The following NCK1 variants were observed in gnomAD, a reference collection of about 807,000 sequenced individuals.
NCK1 encodes the protein NCK adaptor protein 1, also known as SH2/SH3 adapter protein NCK1.
NCK1 carries 19 observed loss-of-function variants against 36.6 expected under a neutral mutation model. The ratio of observed to expected loss-of-function variants is 0.52; its 90% CI spans 0.36 to 0.76. The LOEUF (loss-of-function observed/expected upper bound fraction) is 0.76. Among genes scored for constraint, NCK1 ranks in the 30% least tolerant of loss-of-function variants. The pLI, the probability that NCK1 is intolerant of heterozygous loss-of-function variation, is 0.00. For missense variants in NCK1, 358 were observed against 445.6 expected (o/e 0.80, Z 1.77); for synonymous variants, 165 against 156.0 (o/e 1.06, Z -0.43).
chr3:136,937,525 T>TA (rs1940561167), intron 2 of NCK1, among the ~76,000 whole-genome samples: 1 of 152,222 alleles, frequency 6.6e-6, no homozygotes. Context: ...TGAACTTTAG[T>TA]AAGAATTGCA....
intron 1 of NCK1, among the ~76,000 whole-genome samples, chr3:136,885,123 G>A (rs551156258): frequency 2.0e-5 from 3 of 152,226 alleles, no homozygotes; most frequent in South Asian, 2.1e-4. Context: ...GGTATACACC[G>A]AAATATTTAC....
intron 1 of NCK1, among the ~76,000 whole-genome samples, chr3:136,876,187 C>T (rs1938766638): frequency 6.6e-6 from 1 of 151,770 alleles, no homozygotes; most frequent in Non-Finnish European, 1.5e-5. Context: ...ACTAAATGCC[C>T]AAAAGAGAAA....
chr3:136,922,061 G>A (rs1940124185), intron 1 of NCK1, among the ~76,000 whole-genome samples: 1 of 152,218 alleles, frequency 6.6e-6, no homozygotes, highest in Non-Finnish European at 1.5e-5. Flanking sequence ...GGGATTACAG[G>A]CGTGAGCCAC....
chr3:136,899,762 AT>A lies in NCK1; in HGVS notation c.-18-28221del, dbSNP rs1426854372. 7 of 1,254,608 alleles carry A rather than the reference AT, an allele frequency of 5.6e-6. No homozygotes were observed. The African/African-American group carries it at 1.0e-4, about 19-fold the overall frequency. The allele number at this position is 1,254,608 out of a possible 1,614,324, so 77.7% of individuals were successfully genotyped here. A position where few individuals can be genotyped will look rare whatever the true frequency, so the allele number is the denominator to read the frequency against. The stretch of plus-strand genomic sequence containing the variant: ...TATTGCCATGTTTTTCAACTCTTTT[AT>A]CTTGAGACTTCTGCACATTAGTGGT... On this transcript the variant is annotated intron_variant, in intron 1 of 3. Transcript: ENST00000481752.
intron 1 of NCK1, among the ~76,000 whole-genome samples, chr3:136,916,920 A>G (rs1939980588): frequency 6.6e-6 from 1 of 152,164 alleles, no homozygotes; most frequent in Admixed American, 6.5e-5. Flanking sequence ...CTACAACCCA[A>G]GTGTGTGGCT....
chr3:136,868,475 C>T (rs1255991071), intron 1 of NCK1, among the ~76,000 whole-genome samples: 1 of 151,660 alleles, frequency 6.6e-6, no homozygotes, highest in African/African-American at 2.4e-5. Flanking sequence ...TTACAGGTGC[C>T]TGCCACCATG....
Position 136,945,704 on chromosome 3 carries a change from C to G in NCK1, c.348C>G (p.Asn116Lys). The G allele has an allele frequency of 6.2e-7, 1 of 1,614,114 alleles. No individual in the cohort carries two copies. The highest frequency in any genetic ancestry group is 8.5e-7 in the Non-Finnish European group (1 of 1,180,002). Residue 116 changes from asparagine (N) to lysine (K), a missense_variant, in exon 3 of 4, where the codon AAC becomes AAG. This residue lies in a region of NCK1 where 143 missense variants were observed against 162.4 expected (regional missense o/e 0.88). Transcript: ENST00000481752. ...ACATGCCCGCTTATGTGAAATTTAA[C>G]TACATGGCTGAGAGAGAGGATGAAT... ...DLNMPAYVKFNYMAEREDELS... is the reference protein window; with the variant it reads ...DLNMPAYVKFKYMAEREDELS...
chr3:136,915,210 A>AGG (rs1939927993), intron 1 of NCK1, among the ~76,000 whole-genome samples: 1 of 152,194 alleles, frequency 6.6e-6, no homozygotes, highest in Non-Finnish European at 1.5e-5. Context: ...ATTACTACTA[A>AGG]GGGGTAGTAG....
chr3:136,876,667 C>G (rs1163077882), intron 1 of NCK1, among the ~76,000 whole-genome samples: 6 of 151,794 alleles, frequency 4.0e-5, no homozygotes, highest in African/African-American at 1.5e-4. Context: ...TTTATTCCTA[C>G]AAAGAATATA....
intron 1 of NCK1, among the ~76,000 whole-genome samples, chr3:136,924,940 G>A (rs191510289): frequency 6.6e-6 from 1 of 152,246 alleles, no homozygotes; most frequent in Non-Finnish European, 1.5e-5. Context: ...AGGGGTATGG[G>A]TTTTTAATCT....
In NCK1 at chr3:136,862,309, G is replaced by T. The variant is rs1447462324; in HGVS notation, c.-63G>T. On this transcript the variant is annotated 5_prime_UTR_variant, in exon 1 of 4. Coordinates refer to ENST00000481752, the MANE Select transcript of NCK1 (RefSeq NM_001291999.2). ...ACGGCGGCCGCAGTGGCGTCCTGGA[G>T]CCCTCCTCAGGTGAGCTGGAGCTGC... 1 of 152,810 alleles carries T rather than the reference G, an allele frequency of 6.5e-6. No individual in the cohort carries two copies. Among genetic ancestry groups the T allele is most frequent in the Non-Finnish European group, 1.5e-5 (1 of 68,312 alleles). 9.5% of individuals were successfully genotyped at this position (152,810 alleles called of 1,614,324 possible).
intron 2 of NCK1, among the ~76,000 whole-genome samples, chr3:136,939,913 T>C (rs1403933827): frequency 6.9e-6 from 1 of 145,066 alleles, no homozygotes; most frequent in East Asian, 2.1e-4. Context: ...TGCAGTAGCA[T>C]GATCATGGCT....
At chr3:136,903,369 T>C (rs1356272051) in intron 1 of NCK1, among the ~76,000 whole-genome samples, 1 of 152,168 alleles carries the variant, frequency 6.6e-6, no homozygotes, top group South Asian at 2.1e-4. Flanking sequence ...TTGTAGGTAG[T>C]ATATAGGTGG....
intron 1 of NCK1, among the ~76,000 whole-genome samples, chr3:136,922,181 G>A (rs749103421): frequency 6.6e-6 from 1 of 152,216 alleles, no homozygotes. Context: ...TATTATTTAT[G>A]ACAGGAGGTG....
At chr3:136,896,125 AT>A (rs1939385091) in intron 1 of NCK1, among the ~76,000 whole-genome samples, 5 of 152,312 alleles carry the variant, frequency 3.3e-5, no homozygotes, top group African/African-American at 9.6e-5. Context: ...AGTATTTATC[AT>A]TTCTATGTGT....
intron 2 of NCK1, among the ~76,000 whole-genome samples, chr3:136,933,547 A>G (rs923885556): frequency 6.6e-6 from 1 of 152,158 alleles, no homozygotes; most frequent in Non-Finnish European, 1.5e-5. Flanking sequence ...AGTGAGGGAA[A>G]GATCAGAAAT....
intron 1 of NCK1, among the ~76,000 whole-genome samples, chr3:136,874,229 G>C (rs552044716): frequency 1.3e-5 from 2 of 152,174 alleles, no homozygotes; most frequent in African/African-American, 4.8e-5. Flanking sequence ...AGGCTGGAGT[G>C]CAGTGGTGCG....
At chr3:136,862,815 C>T (rs912004971) in intron 1 of NCK1, among the ~76,000 whole-genome samples, 1 of 152,226 alleles carries the variant, frequency 6.6e-6, no homozygotes, top group African/African-American at 2.4e-5. Context: ...AGGCGTCAGC[C>T]TGCGCGGTGC....
At chr3:136,946,584 T>A (rs932962537) in intron 3 of NCK1, among the ~76,000 whole-genome samples, 1 of 152,144 alleles carries the variant, frequency 6.6e-6, no homozygotes, top group African/African-American at 2.4e-5. Flanking sequence ...TTAAACTAAA[T>A]GGAGAAAATG....
Sources: gnomAD v4.1 joint callset for allele counts (sites outside exome capture counted in the v4.1 genomes callset) on GRCh38, gnomAD v4.1.1 for gene constraint, gnomAD v4.1.1 regional missense constraint, MANE v1.5 for transcripts, NCBI Gene and HGNC (gene_info 2026-07-23, HGNC 2026-07-21) for gene names.